SCN9A: variants seen among roughly 807,000 people sequenced by gnomAD.
SCN9A encodes the protein sodium channel protein type 9 subunit alpha.
In SCN9A, 131 loss-of-function variants were observed where a neutral mutation model predicts 187.0. The observed-to-expected ratio is 0.70, with a 90% CI of 0.61 to 0.81. SCN9A has a LOEUF of 0.81. Ranked by LOEUF, SCN9A falls within the 30% of genes least tolerant of loss-of-function variation. The pLI is 0.00. For synonymous variants in SCN9A, 809 were observed against 808.6 expected (o/e 1.00, Z -0.01); for missense variants, 2,252 against 2,396.6 (o/e 0.94, Z 1.26).
chr2:166,272,807 T>C lies in SCN9A; in HGVS notation c.2943A>G (p.Glu981=). ...TCTGGAGGTTGTTTGCATCAGGGTC[T>C]TCTTCAATTGCTGTAAGATTGTCTG... is the stretch of plus-strand genomic sequence containing the variant. ...FSSDNLTAIE[E]DPDANNLQIA... The change falls in exon 17 of 27, where the codon GAA becomes GAG. Residue 981 remains glutamate, a synonymous_variant. Transcript: ENST00000642356. 3.3e-6 allele frequency: 5 copies of C among 1,521,444 alleles called. No individual in the cohort carries two copies. Among genetic ancestry groups the C allele is most frequent in the Non-Finnish European group, 3.5e-6 (4 of 1,138,986 alleles). The allele number at this position is 1,521,444 out of a possible 1,614,324, so 94.2% of individuals were successfully genotyped here. A position where few individuals can be genotyped will look rare whatever the true frequency, so the allele number is the denominator to read the frequency against.
At chr2:166,229,773 A>G (rs1007542306) in intron 21 of SCN9A, among the ~76,000 whole-genome samples, 1 of 152,160 alleles carries the variant, frequency 6.6e-6, no homozygotes, top group Non-Finnish European at 1.5e-5. Flanking sequence ...TTGTACTGCT[A>G]TTGATCACCA....
In SCN9A at chr2:166,360,499, T is replaced by A. The variant is rs997839604; in HGVS notation, c.-51+15198A>T. On this transcript the variant is annotated intron_variant, in intron 1 of 26. Coordinates refer to ENST00000642356, the MANE Select transcript of SCN9A (RefSeq NM_001365536.1). The stretch of plus-strand genomic sequence containing the variant: ...TGCAGAACAGGTTCTATACCCTTAT[T>A]TAAATAATTAGAGAGAAAATGTATT... Among the ~76,000 whole-genome samples the A allele has an allele frequency of 1.4e-3, 215 of 152,254 alleles. 2 individuals carry two copies. Among genetic ancestry groups the A allele is most frequent in the African/African-American group, 4.9e-3 (204 of 41,572 alleles).
chr2:166,319,933 C>A (rs1456668264), intron 1 of SCN9A, among the ~76,000 whole-genome samples: 2 of 151,916 alleles, frequency 1.3e-5, no homozygotes, highest in Non-Finnish European at 2.9e-5. Context: ...AGGTATATTC[C>A]ATTTAAAGGT....
chr2:166,291,951 C>A (rs1214399637), intron 9 of SCN9A, among the ~76,000 whole-genome samples: 3 of 152,084 alleles, frequency 2.0e-5, no homozygotes, highest in Non-Finnish European at 4.4e-5. Flanking sequence ...AATGTAAAAC[C>A]CCAAACCATG....
intron 24 of SCN9A, among the ~76,000 whole-genome samples, chr2:166,219,396 A>C (rs1694482609): frequency 6.6e-6 from 1 of 152,176 alleles, no homozygotes; most frequent in Non-Finnish European, 1.5e-5. Flanking sequence ...CATTCAAAAA[A>C]AAACGAGATC....
chr2:166,312,182 C>A (rs1698981509), intron 1 of SCN9A, among the ~76,000 whole-genome samples: 1 of 152,176 alleles, frequency 6.6e-6, no homozygotes, highest in Non-Finnish European at 1.5e-5. Flanking sequence ...CACTCTCCAG[C>A]CTGATGCTGT....
intron 12 of SCN9A, among the ~76,000 whole-genome samples, chr2:166,282,302 C>T (rs1697525262): frequency 6.6e-6 from 1 of 152,112 alleles, no homozygotes; most frequent in South Asian, 2.1e-4. Flanking sequence ...TAATGGTTGT[C>T]TCTTACTGCC....
intron 24 of SCN9A, among the ~76,000 whole-genome samples, chr2:166,212,237 G>T (rs907264450): frequency 3.3e-5 from 5 of 152,096 alleles, no homozygotes; most frequent in African/African-American, 1.2e-4. Flanking sequence ...AAAAAAATTT[G>T]ACCCTCTGTA....
chr2:166,258,796 T>G (rs1696386337), intron 17 of SCN9A, among the ~76,000 whole-genome samples: 1 of 151,744 alleles, frequency 6.6e-6, no homozygotes, highest in Non-Finnish European at 1.5e-5. Context: ...CACAATTTTT[T>G]AGAGTTTTGA....
At chr2:166,270,127 A>C (rs921273895) in intron 17 of SCN9A, among the ~76,000 whole-genome samples, 2 of 152,092 alleles carry the variant, frequency 1.3e-5, no homozygotes, top group Admixed American at 6.6e-5. Flanking sequence ...AAAATATACA[A>C]ATAAAATACA....
At position 166,251,816 on chromosome 2, in the gene SCN9A, C is replaced by T. The variant is rs2106426380; in HGVS notation, c.3421G>A (p.Ala1141Thr). ...TCGGAATTCATAGGTTCAGCCTCTGCTTCTTCTCCTTCTCCAGGCAAAGGG... is the reference window on the plus strand; with the variant it reads ...TCGGAATTCATAGGTTCAGCCTCTGTTTCTTCTCCTTCTCCAGGCAAAGGG... ...DNPLPGEGEE[A>T]EAEPMNSDEP... Residue 1141 changes from alanine (A) to threonine (T), a missense_variant, in exon 18 of 27, where the codon GCA becomes ACA. Ala to Thr is a moderately conservative substitution (Grantham distance 58, BLOSUM62 0). Around this residue, in one of 7 missense-constraint regions of SCN9A, gnomAD observed 313 missense variants for 295.3 expected, o/e 1.06. Coordinates refer to ENST00000642356, the MANE Select transcript of SCN9A (RefSeq NM_001365536.1). The T allele has an allele frequency of 6.2e-7, 1 of 1,612,686 alleles. No individual in the cohort carries two copies. The highest frequency in any genetic ancestry group is 2.2e-5 in the East Asian group (1 of 44,798).
intron 1 of SCN9A, among the ~76,000 whole-genome samples, chr2:166,363,252 C>A (rs1246513771): frequency 6.6e-6 from 1 of 151,960 alleles, no homozygotes; most frequent in Non-Finnish European, 1.5e-5. Flanking sequence ...ATCTACTTGA[C>A]CGTTGAGAAA....
chr2:166,281,803 C>T lies in SCN9A; in HGVS notation c.1980G>A (p.Thr660=), dbSNP rs200014315. 590 of 1,600,620 alleles carry T rather than the reference C, an allele frequency of 3.7e-4. 1 individual carries two copies. Among genetic ancestry groups the T allele is most frequent in the Non-Finnish European group, 4.8e-4 (559 of 1,175,610 alleles). Residue 660 remains threonine (T), a synonymous_variant, in exon 13 of 27, where the codon ACG becomes ACA. Coordinates refer to ENST00000642356, the MANE Select transcript of SCN9A (RefSeq NM_001365536.1). ...IDKATSDDSG[T]TNQIHKKRRC... ...GCCTTTTCTTGTGTATTTGATTGGT[C>T]GTGCCCTAAAAAAAAAATCAATTAA...
chr2:166,283,018 T>G (rs1697563091), intron 12 of SCN9A, among the ~76,000 whole-genome samples: 1 of 152,184 alleles, frequency 6.6e-6, no homozygotes, highest in African/African-American at 2.4e-5. Flanking sequence ...GTATTTCCAT[T>G]GTATCTTATA....
At chr2:166,371,457 T>C (rs1252595020) in intron 1 of SCN9A, among the ~76,000 whole-genome samples, 3 of 152,138 alleles carry the variant, frequency 2.0e-5, no homozygotes, top group African/African-American at 7.2e-5. Flanking sequence ...GATGGCTTTT[T>C]CTTTTGCCTA....
chr2:166,284,935 C>T (rs1484866406), intron 11 of SCN9A, 111 bp from the exon 12 acceptor site: 69 of 1,165,308 alleles, frequency 5.9e-5, no homozygotes, highest in Non-Finnish European at 7.4e-5. Flanking sequence ...TCTGTACTGA[C>T]TTAAAAGAAA....
At chr2:166,293,790 T>C (rs1260372859) in intron 8 of SCN9A, among the ~76,000 whole-genome samples, 1 of 152,258 alleles carries the variant, frequency 6.6e-6, no homozygotes, top group Non-Finnish European at 1.5e-5. Flanking sequence ...AAGCTCTTTC[T>C]GTCTGTATAA....
At chr2:166,263,758 T>G (rs967520347) in intron 17 of SCN9A, among the ~76,000 whole-genome samples, 1 of 151,972 alleles carries the variant, frequency 6.6e-6, no homozygotes, top group Non-Finnish European at 1.5e-5. Context: ...CCAATATAAC[T>G]GGGGTCCTTA....
intron 26 of SCN9A, among the ~76,000 whole-genome samples, chr2:166,200,949 A>C (rs999819614): frequency 1.3e-5 from 2 of 152,080 alleles, no homozygotes; most frequent in African/African-American, 4.8e-5. Flanking sequence ...AACCTATTTT[A>C]TTTACTTTAT....
Sources: gnomAD v4.1 joint callset for allele counts (sites outside exome capture counted in the v4.1 genomes callset) on GRCh38, gnomAD v4.1.1 for gene constraint, gnomAD v4.1.1 regional missense constraint, MANE v1.5 for transcripts, NCBI Gene and HGNC (gene_info 2026-07-23, HGNC 2026-07-21) for gene names.